CELF2: variants seen among roughly 807,000 people sequenced by gnomAD.
The protein encoded by CELF2 is CUG triplet repeat RNA-binding protein 2.
In CELF2, 8 loss-of-function variants were observed where a neutral mutation model predicts 62.6. The observed-to-expected ratio is 0.13, with a 90% CI of 0.07 to 0.23. CELF2 has a LOEUF of 0.23. Ranked by LOEUF, CELF2 falls within the 10% of genes least tolerant of loss-of-function variation. CELF2 has a pLI of 1.00. For missense variants in CELF2, 333 were observed against 671.0 expected (o/e 0.50, Z 5.56); for synonymous variants, 258 against 250.0 (o/e 1.03, Z -0.30).
chr10:11,279,484 C>T (rs561026153), intron 8 of CELF2, among the ~76,000 whole-genome samples: 1 of 152,262 alleles, frequency 6.6e-6, no homozygotes, highest in East Asian at 1.9e-4. Flanking sequence ...GTGCTTGGTA[C>T]ATCCACAAAG....
At chr10:11,197,025 A>AGAGAGAGAGAGAGAGAGAGAGAGAG (rs1554936317) in intron 2 of CELF2, among the ~76,000 whole-genome samples, 1 of 26,132 alleles carries the variant, frequency 3.8e-5, no homozygotes, top group African/African-American at 1.8e-4. Context: ...AGAAAGAAAG[A>AGAGAGAGAGAGAGAGAGAGAGAGAG]AAAGAAAGAA....
chr10:10,933,748 C>T (rs1225776233), intron 2 of CELF2, among the ~76,000 whole-genome samples: 4 of 152,184 alleles, frequency 2.6e-5, no homozygotes, highest in Non-Finnish European at 4.4e-5. Flanking sequence ...TCTCCAAGTT[C>T]ATCCATATTG....
rs546276773 is a variant in CELF2, at chr10:10,950,927, A to G, written c.89+30928A>G. Among the ~76,000 whole-genome samples, 9 of 152,326 alleles carry G rather than the reference A, an allele frequency of 5.9e-5. No homozygotes were observed. The South Asian group carries it at 1.9e-3, about 32-fold the overall frequency. ...AGAAAACACCTTGGCAGTCAAAGTT[A>G]AGAACAGTCAGATTTGAGCATTGTG... is the stretch of plus-strand genomic sequence containing the variant. On this transcript the variant is annotated intron_variant, in intron 2 of 13. Coordinates refer to the CELF2 transcript ENST00000636488.
chr10:10,621,197 T>C, the CELF2 span, among the ~76,000 whole-genome samples: 1 of 137,500 alleles, frequency 7.3e-6, no homozygotes. Context: ...TGAGCAGAGA[T>C]GGCGCCATTG....
the CELF2 span, among the ~76,000 whole-genome samples, chr10:10,710,518 C>T: frequency 1.3e-5 from 2 of 152,146 alleles, no homozygotes; most frequent in African/African-American, 4.8e-5. Context: ...TAACGAAGTA[C>T]AGCAGAAGTA....
chr10:11,225,799 A>T (rs1025419801), intron 3 of CELF2, among the ~76,000 whole-genome samples: 1 of 152,224 alleles, frequency 6.6e-6, no homozygotes, highest in Non-Finnish European at 1.5e-5. Context: ...TCCTCAGCTA[A>T]CATGGGTAAG....
chr10:11,054,890 T>G (rs1004040019), intron 1 of CELF2, among the ~76,000 whole-genome samples: 1 of 152,124 alleles, frequency 6.6e-6, no homozygotes, highest in Non-Finnish European at 1.5e-5. Flanking sequence ...ACTTATTGTA[T>G]TTTTAGTACA....
the CELF2 span, among the ~76,000 whole-genome samples, chr10:10,769,510 C>T: frequency 6.6e-6 from 1 of 152,116 alleles, no homozygotes; most frequent in African/African-American, 2.4e-5. Flanking sequence ...TGCCTGTAAT[C>T]CTAGCACTTT....
At position 10,928,178 on chromosome 10, in the gene CELF2, T is replaced by C. The variant is rs1223579687; in HGVS notation, c.89+8179T>C. ...TTTATTTGTTGATTTATAAATGATCTGTTCCCTTCCCCCTTAGCTCCAGAA... is the reference window on the plus strand; with the variant it reads ...TTTATTTGTTGATTTATAAATGATCCGTTCCCTTCCCCCTTAGCTCCAGAA... On this transcript the variant is annotated intron_variant, in intron 2 of 13. Transcript: ENST00000636488. This position sits in a 1 kb window ranked among gnomAD's most constrained non-coding sequence, Gnocchi z 4.8. Among the ~76,000 whole-genome samples the C allele has an allele frequency of 1.3e-5, 2 of 152,260 alleles. No individual in the cohort carries two copies. The highest frequency in any genetic ancestry group is 2.9e-5 in the Non-Finnish European group (2 of 68,050).
chr10:10,849,542 T>A (rs1035782579), intron 1 of CELF2, among the ~76,000 whole-genome samples: 1 of 152,222 alleles, frequency 6.6e-6, no homozygotes, highest in African/African-American at 2.4e-5. Context: ...TTCTGAATCA[T>A]TTGAGACTGA....
rs116587192 is a variant in CELF2, at chr10:10,886,015, A to T, written c.54-33949A>T. ...GAAGAACATGAGTCCATATCTCATG[A>T]TAGCAGAAAGAACTCATCTTTCCCA... On this transcript the variant is annotated intron_variant, in intron 1 of 13. Coordinates refer to the CELF2 transcript ENST00000636488. Among the ~76,000 whole-genome samples, 699 of 152,358 alleles carry T rather than the reference A, an allele frequency of 4.6e-3. 9 individuals carry two copies. The highest frequency in any genetic ancestry group is 0.016 in the African/African-American group (673 of 41,586).
chr10:10,652,093 G>A, the CELF2 span, among the ~76,000 whole-genome samples: 21 of 137,078 alleles, frequency 1.5e-4, no homozygotes, highest in East Asian at 6.0e-4. Flanking sequence ...CTCAGGAGCC[G>A]ATGCGATCAA....
chr10:10,606,060 T>G, the CELF2 span, among the ~76,000 whole-genome samples: 1 of 152,174 alleles, frequency 6.6e-6, no homozygotes, highest in Admixed American at 6.5e-5. Flanking sequence ...TGTTCTGTGT[T>G]CCTCCCCATT....
chr10:10,518,698 T>C, the CELF2 span, among the ~76,000 whole-genome samples: 3 of 148,980 alleles, frequency 2.0e-5, no homozygotes, highest in African/African-American at 7.5e-5. Flanking sequence ...TCAGAGTAGA[T>C]ATAACATACC....
rs2047802434 is a variant in CELF2 at position 10,947,294 on chromosome 10, G to A, written c.89+27295G>A. 1 of 152,584 alleles carries A rather than the reference G, an allele frequency of 6.6e-6. No individual in the cohort carries two copies. Among genetic ancestry groups the A allele is most frequent in the African/African-American group, 2.4e-5 (1 of 41,440 alleles). 9.5% of individuals were successfully genotyped at this position (152,584 alleles called of 1,614,324 possible). On this transcript the variant is annotated intron_variant, in intron 2 of 13. Coordinates refer to the CELF2 transcript ENST00000636488. The surrounding 1 kb of genome is among the most constrained non-coding windows in gnomAD (Gnocchi z 4.1). ...AAGGACATTTCTCTGGCCATCCTGA[G>A]CACATTTTTTCCTGGAGATTTAGAG...
chr10:11,120,968 G>C (rs911190766), intron 1 of CELF2, among the ~76,000 whole-genome samples: 1 of 152,148 alleles, frequency 6.6e-6, no homozygotes, highest in African/African-American at 2.4e-5. Flanking sequence ...ATTTGCAGAC[G>C]TGCCAAGAGC....
In CELF2 at chr10:11,329,439, T is replaced by TCTAA. The variant is rs146031911; in HGVS notation, c.*389_*392dup. Reference sequence around the variant, plus strand: ...AAACAAACAAACGCTAATGTGCAATTCTAACTCTGAAACCACTGGTGCCCC... The same window carrying TCTAA: ...AAACAAACAAACGCTAATGTGCAATTCTAACTAACTCTGAAACCACTGGTGCCCC... On this transcript the variant is annotated 3_prime_UTR_variant, in exon 13 of 13. Transcript: ENST00000633077. The surrounding 1 kb of genome is among the most constrained non-coding windows in gnomAD (Gnocchi z 5.5). 0.01 allele frequency: 1,595 copies of TCTAA among 153,374 alleles called. 26 individuals are homozygous for TCTAA. The highest frequency in any genetic ancestry group is 0.058 in the Middle Eastern group (17 of 294). The allele number at this position is 153,374 out of a possible 1,614,324, so 9.5% of individuals were successfully genotyped here.
At chr10:10,712,323 C>T in the CELF2 span, among the ~76,000 whole-genome samples, 2 of 152,066 alleles carry the variant, frequency 1.3e-5, no homozygotes, top group East Asian at 1.9e-4. Context: ...GCTCTTAATT[C>T]GCACTTCAGT....
chr10:10,669,027 G>A, the CELF2 span, among the ~76,000 whole-genome samples: 1 of 152,138 alleles, frequency 6.6e-6, no homozygotes, highest in Middle Eastern at 3.2e-3. Context: ...TAGTTGGTTT[G>A]TCCTAAAGGG....
Sources: allele counts gnomAD v4.1 joint callset (sites outside exome capture counted in the v4.1 genomes callset), GRCh38; gene constraint gnomAD v4.1.1; non-coding constraint Gnocchi (gnomAD v3.1); transcripts MANE v1.5; gene names NCBI Gene and HGNC (gene_info 2026-07-23, HGNC 2026-07-21).